The following ULK1 variants were observed in gnomAD, a reference collection of about 807,000 sequenced individuals.
The protein encoded by ULK1 is serine/threonine-protein kinase ULK1.
In ULK1, 48 loss-of-function variants were observed where a neutral mutation model predicts 117.5. The ratio of observed to expected loss-of-function variants is 0.41; its 90% CI spans 0.32 to 0.52. ULK1 has a LOEUF of 0.52. ULK1 is among the 20% of genes least tolerant of loss of function. The probability of loss-of-function intolerance (pLI) is 0.29; values close to 1 mark genes in which losing one functional copy is unlikely to be tolerated. For missense variants in ULK1, 1,387 were observed against 1,473.4 expected (o/e 0.94, Z 0.96); for synonymous variants, 790 against 637.8 (o/e 1.24, Z -3.60).
intron 12 of ULK1, among the ~76,000 whole-genome samples, chr12:131,911,690 A>T (rs918737694): frequency 7.9e-5 from 12 of 152,102 alleles, no homozygotes; most frequent in Non-Finnish European, 1.5e-4. Context: ...GAGGGCTTCA[A>T]CCCACCCAGG....
chr12:131,895,976 G>C (rs765437860), intron 3 of ULK1, 152 bp downstream of exon 3: 140 of 983,912 alleles, frequency 1.4e-4, no homozygotes, highest in Non-Finnish European at 2.0e-4. Flanking sequence ...GCCTGGGCTG[G>C]TGCTGGCTCT....
chr12:131,905,768 G>C (rs1284715963), intron 3 of ULK1, among the ~76,000 whole-genome samples: 1 of 152,182 alleles, frequency 6.6e-6, no homozygotes, highest in Non-Finnish European at 1.5e-5. Flanking sequence ...TGGGCTACAG[G>C]GAGGCTCCCA....
intron 11 of ULK1, 136 bp downstream of exon 11, chr12:131,910,440 AC>A (rs1593267055): frequency 7.2e-7 from 1 of 1,398,372 alleles, no homozygotes; most frequent in South Asian, 1.2e-5. Context: ...AGGGCAGGAC[AC>A]CCGGCTCCTT....
chr12:131,904,519 C>A (rs1284937888), intron 3 of ULK1, among the ~76,000 whole-genome samples: 1 of 152,152 alleles, frequency 6.6e-6, no homozygotes, highest in Non-Finnish European at 1.5e-5. Context: ...TACAGGGCTT[C>A]AGTTAGCACC....
intron 22 of ULK1, chr12:131,918,181 C>T: frequency 2.2e-6 from 1 of 462,000 alleles, no homozygotes; most frequent in Non-Finnish European, 3.9e-6. Flanking sequence ...CTACCCCATT[C>T]CAGACAGTGG....
chr12:131,895,959 G>C (rs940347193), intron 3 of ULK1, 135 bp downstream of exon 3: 13 of 1,137,980 alleles, frequency 1.1e-5, no homozygotes, highest in Non-Finnish European at 1.5e-5. Flanking sequence ...CTCCACCCTG[G>C]GTCCAGGCCT....
chr12:131,895,007 G>A lies in ULK1; in HGVS notation c.6G>A (p.Glu2=). The A allele has an allele frequency of 6.7e-7, 1 of 1,493,470 alleles. No homozygotes were observed. The highest frequency in any genetic ancestry group is 1.2e-5 in the South Asian group (1 of 80,450). The allele number at this position is 1,493,470 out of a possible 1,614,324, so 92.5% of individuals were successfully genotyped here. A position where few individuals can be genotyped will look rare whatever the true frequency, so the allele number is the denominator to read the frequency against. The change falls in exon 1 of 28, where the codon GAG becomes GAA. Residue 2 remains glutamate, a synonymous_variant. Transcript: ENST00000321867. ...GCCCCCGGCCCGCCTGCGCCATGGA[G>A]CCCGGCCGCGGCGGCACAGAGACCG... is the stretch of plus-strand genomic sequence containing the variant. M[E]PGRGGTETVG... is the part of the protein sequence containing the mutation.
At chr12:131,910,434 C>A in intron 11 of ULK1, 130 bp downstream of exon 11, 1 of 1,420,378 alleles carries the variant, frequency 7.0e-7, no homozygotes, top group Non-Finnish European at 9.9e-7. Flanking sequence ...CCAGGGAGGG[C>A]AGGACACCCG....
intron 3 of ULK1, among the ~76,000 whole-genome samples, chr12:131,905,321 G>A (rs571182693): frequency 1.3e-5 from 2 of 152,294 alleles, no homozygotes; most frequent in African/African-American, 4.8e-5. Context: ...TGGCTTTGCG[G>A]CTGTCCCCCC....
rs1455412349 is a variant in ULK1, at chr12:131,922,188, G to A, written c.*827G>A. Reference sequence around the variant, plus strand: ...TGCAGCTCATTTTTTCTTTAAAGGAGAAAACTTGTAGGTGTTTAAGAATTG... The same window carrying A: ...TGCAGCTCATTTTTTCTTTAAAGGAAAAAACTTGTAGGTGTTTAAGAATTG... On this transcript the variant is annotated 3_prime_UTR_variant, in exon 28 of 28. Coordinates refer to ENST00000321867, the MANE Select transcript of ULK1 (RefSeq NM_003565.4). The A allele has an allele frequency of 2.2e-5, 8 of 364,886 alleles. No homozygotes were observed. Among genetic ancestry groups the A allele is most frequent in the Non-Finnish European group, 4.4e-5 (8 of 182,310 alleles). The allele number at this position is 364,886 out of a possible 1,614,324, so 22.6% of individuals were successfully genotyped here. A position where few individuals can be genotyped will look rare whatever the true frequency, so the allele number is the denominator to read the frequency against.
At chr12:131,916,259 T>C in intron 19 of ULK1, 100 bp downstream of exon 19, 6 of 1,525,820 alleles carry the variant, frequency 3.9e-6, no homozygotes, top group Non-Finnish European at 5.3e-6. Context: ...GCTCTGTACC[T>C]TTTGACCCCC....
At chr12:131,905,424 G>A (rs1304190188) in intron 3 of ULK1, among the ~76,000 whole-genome samples, 1 of 152,126 alleles carries the variant, frequency 6.6e-6, no homozygotes, top group East Asian at 1.9e-4. Context: ...GCGCTGAGGG[G>A]TGTTCCTCCT....
rs200684485 is a variant in ULK1, at chr12:131,916,526, C to G, written c.2007C>G (p.Pro669=). Reference sequence around the variant, plus strand: ...TGCCCGACCTCTCGGAGGTGGGACCCTTCCATGGTCAGCCGTTGGGCCCTG... The same window carrying G: ...TGCCCGACCTCTCGGAGGTGGGACCGTTCCATGGTCAGCCGTTGGGCCCTG... ...RTLPDLSEVG[P]FHGQPLGPGL... The change falls in exon 20 of 28, where the codon CCC becomes CCG. Residue 669 remains proline (P), a synonymous_variant. Coordinates refer to ENST00000321867, the MANE Select transcript of ULK1 (RefSeq NM_003565.4). The G allele has an allele frequency of 6.2e-6, 10 of 1,611,158 alleles. No individual in the cohort carries two copies. Among genetic ancestry groups the G allele is most frequent in the Non-Finnish European group, 8.5e-6 (10 of 1,179,684 alleles).
In ULK1 at chr12:131,919,210, A is replaced by C; in HGVS notation, c.2512-2A>C. On this transcript the variant is annotated splice_acceptor_variant, in intron 23 of 27. Coordinates refer to ENST00000321867, the MANE Select transcript of ULK1 (RefSeq NM_003565.4). LOFTEE classifies it high-confidence loss of function. ...TGCCGCCCTGACGGCCGCTTCCTGC[A>C]GCAAGAGCACACGGAGATCCTGCGT... 6.3e-7 allele frequency: 1 copy of C among 1,591,404 alleles called. No individual in the cohort carries two copies. The highest frequency in any genetic ancestry group is 8.5e-7 in the Non-Finnish European group (1 of 1,175,050).
chr12:131,917,580 T>A, intron 22 of ULK1, 26 bp downstream of exon 22: 1 of 1,380,698 alleles, frequency 7.2e-7, no homozygotes, highest in South Asian at 1.9e-5. Flanking sequence ...GCTGAAGCCC[T>A]GTCCCTTTTG....
In ULK1 at chr12:131,902,542, T is replaced by C. The variant is rs1889129281; in HGVS notation, c.247-4350T>C. Among the ~76,000 whole-genome samples, 1 of 151,924 alleles carries C rather than the reference T, an allele frequency of 6.6e-6. No homozygotes were observed. The stretch of plus-strand genomic sequence containing the variant: ...CCTCAGGCATGCTGCCTGGAGACAG[T>C]GGGGTGTTGATATTGCTGTCTTTTT... On this transcript the variant is annotated intron_variant, in intron 3 of 27. Transcript: ENST00000321867. This position sits in a 1 kb window ranked among gnomAD's most constrained non-coding sequence, Gnocchi z 6.3.
intron 14 of ULK1, 110 bp downstream of exon 14, chr12:131,913,368 G>C (rs1199440587): frequency 8.3e-7 from 1 of 1,199,132 alleles, no homozygotes; most frequent in Non-Finnish European, 1.1e-6. Context: ...CTCCAGCCTG[G>C]GTGACAGAGC....
At chr12:131,914,293 T>C in intron 15 of ULK1, 59 bp from the exon 16 acceptor site, 1 of 1,582,116 alleles carries the variant, frequency 6.3e-7, no homozygotes, top group South Asian at 1.1e-5. Flanking sequence ...CCCAGCTCCA[T>C]GACCTCAGCC....
At chr12:131,907,424 G>A in intron 4 of ULK1, 71 bp from the exon 5 acceptor site, 1 of 1,578,924 alleles carries the variant, frequency 6.3e-7, no homozygotes, top group Non-Finnish European at 8.6e-7. Flanking sequence ...TGAGGGGTGG[G>A]GAGGCTGGGC....
Sources: allele counts gnomAD v4.1 joint callset (sites outside exome capture counted in the v4.1 genomes callset), GRCh38; gene constraint gnomAD v4.1.1; non-coding constraint Gnocchi (gnomAD v3.1); transcripts MANE v1.5; gene names NCBI Gene and HGNC (gene_info 2026-07-23, HGNC 2026-07-21).